HCN1: variants seen among roughly 807,000 people sequenced by gnomAD.
The protein encoded by HCN1 is hyperpolarization activated cyclic nucleotide gated potassium channel 1.
In HCN1, 13 loss-of-function variants were observed where a neutral mutation model predicts 78.9. The observed-to-expected ratio is 0.16, with a 90% CI of 0.11 to 0.26. HCN1 has a LOEUF of 0.26. HCN1 is among the 10% of genes least tolerant of loss of function. The probability of loss-of-function intolerance (pLI) is 1.00; values close to 1 mark genes in which losing one functional copy is unlikely to be tolerated. For synonymous variants in HCN1, 552 were observed against 455.5 expected, an observed-to-expected ratio of 1.21 and a Z score of -2.70; for missense variants, 810 against 1,154.3, an observed-to-expected ratio of 0.70 and a Z score of 4.32.
At chr5:45,424,150 A>G (rs926258580) in intron 3 of HCN1, among the ~76,000 whole-genome samples, 3 of 147,308 alleles carry the variant, frequency 2.0e-5, no homozygotes, top group Non-Finnish European at 4.5e-5. Flanking sequence ...AAAATTAGCC[A>G]GGCTTGGTGG....
intron 1 of HCN1, among the ~76,000 whole-genome samples, chr5:45,649,626 T>C (rs1187804257): frequency 6.6e-6 from 1 of 152,078 alleles, no homozygotes. Flanking sequence ...TCTCAACATG[T>C]TTCCTATTTT....
intron 2 of HCN1, chr5:45,617,187 T>G (rs1013960429): frequency 1.3e-5 from 2 of 152,210 alleles, no homozygotes; most frequent in Admixed American, 6.6e-5. Flanking sequence ...TTGCACATGT[T>G]TTATAGAAAT....
At chr5:45,543,978 G>A (rs924543895) in intron 2 of HCN1, among the ~76,000 whole-genome samples, 1 of 151,714 alleles carries the variant, frequency 6.6e-6, no homozygotes, top group Non-Finnish European at 1.5e-5. Context: ...AGAGAAGATG[G>A]GTACAAAAAA....
intron 2 of HCN1, among the ~76,000 whole-genome samples, chr5:45,605,778 A>G (rs1744713549): frequency 6.6e-6 from 1 of 151,940 alleles, no homozygotes; most frequent in South Asian, 2.1e-4. Context: ...TAAAGAGTAG[A>G]TGTATCACTC....
intron 2 of HCN1, among the ~76,000 whole-genome samples, chr5:45,484,498 G>C (rs1178347600): frequency 1.3e-5 from 2 of 152,002 alleles, no homozygotes; most frequent in Admixed American, 1.3e-4. Flanking sequence ...AAGCCCTTTG[G>C]TGCAGACATG....
chr5:45,323,923 G>A (rs1009896253), intron 5 of HCN1, among the ~76,000 whole-genome samples: 4 of 151,964 alleles, frequency 2.6e-5, no homozygotes, highest in African/African-American at 9.7e-5. Flanking sequence ...GTATTCCATG[G>A]TGTATATGTG....
At chr5:45,454,466 C>A (rs1740984287) in intron 3 of HCN1, among the ~76,000 whole-genome samples, 1 of 149,332 alleles carries the variant, frequency 6.7e-6, no homozygotes, top group Non-Finnish European at 1.5e-5. Flanking sequence ...AATTAGTTAC[C>A]CTTTGTTAGG....
At chr5:45,391,615 G>T (rs550299356) in intron 4 of HCN1, among the ~76,000 whole-genome samples, 1 of 152,100 alleles carries the variant, frequency 6.6e-6, no homozygotes, top group Non-Finnish European at 1.5e-5. Context: ...TTCTGAGAGA[G>T]GAGGCTCCAT....
intron 2 of HCN1, among the ~76,000 whole-genome samples, chr5:45,606,160 TTC>T (rs1308375116): frequency 6.6e-6 from 1 of 152,034 alleles, no homozygotes; most frequent in African/African-American, 2.4e-5. Context: ...GCCAGAAAAT[TTC>T]TCTCACTTTT....
At chr5:45,408,769 A>G (rs2112053516) in intron 3 of HCN1, among the ~76,000 whole-genome samples, 3 of 152,236 alleles carry the variant, frequency 2.0e-5, no homozygotes, top group Middle Eastern at 6.8e-3. Context: ...TAATGCTGCT[A>G]TTTTGAGGTT....
intron 1 of HCN1, among the ~76,000 whole-genome samples, chr5:45,677,991 CACACACACACACACACACACACAT>C (rs1739621054): frequency 4.0e-5 from 3 of 75,942 alleles, no homozygotes; most frequent in African/African-American, 1.6e-4. Context: ...CACACACATA[CACACACACACACACACACACACAT>C]ACACACACAC....
At chr5:45,409,372 A>G (rs1739984799) in intron 3 of HCN1, among the ~76,000 whole-genome samples, 2 of 152,124 alleles carry the variant, frequency 1.3e-5, no homozygotes, top group South Asian at 4.1e-4. Context: ...TAATGCTTAG[A>G]GATGGGCATA....
intron 2 of HCN1, among the ~76,000 whole-genome samples, chr5:45,629,625 T>C (rs1160061088): frequency 2.0e-5 from 3 of 152,064 alleles, no homozygotes; most frequent in Non-Finnish European, 4.4e-5. Context: ...ATAAGCAAAA[T>C]GTACATATTG....
intron 2 of HCN1, among the ~76,000 whole-genome samples, chr5:45,497,366 C>G (rs1742061460): frequency 1.3e-5 from 2 of 152,118 alleles, no homozygotes; most frequent in Admixed American, 1.3e-4. Flanking sequence ...TCAGGACTTG[C>G]TTTATGAATC....
At chr5:45,578,245 A>C (rs1743988798) in intron 2 of HCN1, among the ~76,000 whole-genome samples, 1 of 152,030 alleles carries the variant, frequency 6.6e-6, no homozygotes, top group African/African-American at 2.4e-5. Flanking sequence ...GTCTATCTAA[A>C]GGGTCTCAAA....
chr5:45,583,216 C>G (rs1031775611), intron 2 of HCN1, among the ~76,000 whole-genome samples: 7 of 152,122 alleles, frequency 4.6e-5, no homozygotes, highest in African/African-American at 1.7e-4. Flanking sequence ...TGTTTTTGGT[C>G]TATTCAGAGA....
intron 3 of HCN1, among the ~76,000 whole-genome samples, chr5:45,451,653 C>G (rs1740920554): frequency 6.6e-6 from 1 of 151,746 alleles, no homozygotes; most frequent in Admixed American, 6.6e-5. Context: ...TTTCATTGAA[C>G]TCAGTAAAAA....
intron 1 of HCN1, among the ~76,000 whole-genome samples, chr5:45,691,852 AG>A (rs1739919289): frequency 6.6e-6 from 1 of 152,370 alleles, no homozygotes; most frequent in South Asian, 2.1e-4. Context: ...TGCAATTCAA[AG>A]CAGAGATGGA....
At chr5:45,616,690 A>G (rs1744962014) in intron 2 of HCN1, among the ~76,000 whole-genome samples, 1 of 152,050 alleles carries the variant, frequency 6.6e-6, no homozygotes, top group African/African-American at 2.4e-5. Flanking sequence ...AAGAGAAGTT[A>G]ATGAAAAAAT....
Sources: allele counts gnomAD v4.1 joint callset (sites outside exome capture counted in the v4.1 genomes callset), GRCh38; gene constraint gnomAD v4.1.1; transcripts MANE v1.5; gene names NCBI Gene and HGNC (gene_info 2026-07-23, HGNC 2026-07-21).